ZFR: variants seen among roughly 807,000 people sequenced by gnomAD.
ZFR encodes the protein zinc finger RNA binding protein.
In ZFR, 19 loss-of-function variants were observed where a neutral mutation model predicts 130.7. The ratio of observed to expected loss-of-function variants is 0.15; its 90% CI spans 0.10 to 0.21. The LOEUF (loss-of-function observed/expected upper bound fraction) is 0.21, where lower values mean the gene tolerates loss of function less well. ZFR is among the 10% of genes least tolerant of loss of function. The probability of loss-of-function intolerance (pLI) is 1.00; values close to 1 mark genes in which losing one functional copy is unlikely to be tolerated. For missense variants in ZFR, 872 were observed against 1,321.5 expected (o/e 0.66, Z 5.27); for synonymous variants, 466 against 456.9 (o/e 1.02, Z -0.25).
chr5:32,356,076 A>T, intron 19 of ZFR, 137 bp from the exon 20 acceptor site: 1 of 601,754 alleles, frequency 1.7e-6, no homozygotes, highest in Non-Finnish European at 2.6e-6. Context: ...TACTTTCACA[A>T]CTGAAATAAT....
At chr5:32,377,052 A>T (rs1752830782) in intron 17 of ZFR, among the ~76,000 whole-genome samples, 1 of 149,650 alleles carries the variant, frequency 6.7e-6, no homozygotes, top group Non-Finnish European at 1.5e-5. Flanking sequence ...AGCTACTCGG[A>T]GGCTGAGGAA....
At chr5:32,381,576 G>GTAC in intron 15 of ZFR, among the ~76,000 whole-genome samples, 1 of 152,228 alleles carries the variant, frequency 6.6e-6, no homozygotes, top group African/African-American at 2.4e-5. Flanking sequence ...TATCTTAAGA[G>GTAC]TACTAGCTGC....
chr5:32,407,669 T>G (rs926622294), intron 5 of ZFR, among the ~76,000 whole-genome samples: 6 of 152,060 alleles, frequency 3.9e-5, no homozygotes, highest in Non-Finnish European at 8.8e-5. Flanking sequence ...ATAGAACAAC[T>G]GTTAAAGATT....
chr5:32,420,159 C>A (rs1753919113), intron 2 of ZFR, 56 bp from the exon 3 acceptor site: 2 of 1,369,650 alleles, frequency 1.5e-6, no homozygotes, highest in Non-Finnish European at 1.9e-6. Context: ...CAGGAGTTAA[C>A]CAACTTCAAT....
chr5:32,398,045 TG>T (rs1320700292), intron 9 of ZFR, among the ~76,000 whole-genome samples: 1 of 150,718 alleles, frequency 6.6e-6, no homozygotes, highest in Admixed American at 6.6e-5. Flanking sequence ...TTAGTAGAGA[TG>T]GGGGTTTCAC....
At chr5:32,366,160 G>T (rs1752542099) in intron 17 of ZFR, among the ~76,000 whole-genome samples, 1 of 152,136 alleles carries the variant, frequency 6.6e-6, no homozygotes, top group South Asian at 2.1e-4. Context: ...GAAAGAATGT[G>T]AGAATAATCC....
At chr5:32,387,003 T>A (rs1753058859) in intron 14 of ZFR, among the ~76,000 whole-genome samples, 1 of 152,146 alleles carries the variant, frequency 6.6e-6, no homozygotes, top group South Asian at 2.1e-4. Flanking sequence ...AATAAAATAC[T>A]CTATTAGTTT....
chr5:32,382,546 A>T (rs1752955855), intron 15 of ZFR, among the ~76,000 whole-genome samples: 1 of 146,966 alleles, frequency 6.8e-6, no homozygotes, highest in Non-Finnish European at 1.5e-5. Flanking sequence ...TTTTGCACAT[A>T]AGCATTCATA....
At chr5:32,414,758 A>C (rs114948179) in intron 5 of ZFR, among the ~76,000 whole-genome samples, 104 of 152,292 alleles carry the variant, frequency 6.8e-4, no homozygotes, top group Non-Finnish European at 6.8e-4. Context: ...CCCCAAGAAC[A>C]TATTATATTC....
At chr5:32,375,314 A>G (rs1198415707) in intron 17 of ZFR, among the ~76,000 whole-genome samples, 5 of 152,252 alleles carry the variant, frequency 3.3e-5, no homozygotes, top group African/African-American at 1.2e-4. Context: ...TGACAAGTAA[A>G]TATCTCAAAT....
At chr5:32,422,171 A>C (rs1753972274) in intron 2 of ZFR, among the ~76,000 whole-genome samples, 1 of 151,996 alleles carries the variant, frequency 6.6e-6, no homozygotes, top group South Asian at 2.1e-4. Flanking sequence ...TGGGAATAGG[A>C]TGGGAATGTT....
chr5:32,422,425 T>A (rs991396905), intron 2 of ZFR, among the ~76,000 whole-genome samples: 2 of 152,136 alleles, frequency 1.3e-5, no homozygotes, highest in Admixed American at 6.5e-5. Flanking sequence ...TATTTACACA[T>A]CCCTGGCATT....
intron 2 of ZFR, among the ~76,000 whole-genome samples, chr5:32,434,570 T>C (rs1210062941): frequency 6.6e-6 from 1 of 152,260 alleles, no homozygotes; most frequent in African/African-American, 2.4e-5. Context: ...GTTATTTCAC[T>C]ACTGTACCAC....
chr5:32,428,975 CTTTTTTTTTTTTTTTTTTT>C (rs576959110), intron 2 of ZFR, among the ~76,000 whole-genome samples: 1 of 91,206 alleles, frequency 1.1e-5, no homozygotes, highest in Admixed American at 1.2e-4. Context: ...CTTCTTACAT[CTTTTTTTTTTTTTTTTTTT>C]TTTTTTTTTG....
At chr5:32,402,397 T>C (rs1168458937) in intron 8 of ZFR, among the ~76,000 whole-genome samples, 1 of 152,126 alleles carries the variant, frequency 6.6e-6, no homozygotes, top group Admixed American at 6.5e-5. Flanking sequence ...TGGTGACTAC[T>C]GAAAGCAGCT....
At chr5:32,391,783 G>C (rs1470742850) in intron 11 of ZFR, among the ~76,000 whole-genome samples, 1 of 151,618 alleles carries the variant, frequency 6.6e-6, no homozygotes, top group African/African-American at 2.4e-5. Context: ...CCTTAAATTG[G>C]CAGAGTCCCA....
intron 2 of ZFR, among the ~76,000 whole-genome samples, chr5:32,433,880 AGACCAACCTGG>A (rs1462539854): frequency 2.0e-5 from 3 of 152,292 alleles, no homozygotes; most frequent in Non-Finnish European, 4.4e-5. Context: ...CAGGAGCTTG[AGACCAACCTGG>A]GCAACATGGC....
intron 10 of ZFR, among the ~76,000 whole-genome samples, chr5:32,396,879 G>T (rs928753760): frequency 6.6e-6 from 1 of 152,150 alleles, no homozygotes; most frequent in African/African-American, 2.4e-5. Context: ...ATTTTGGTGG[G>T]AATTCTACCA....
chr5:32,377,282 G>A (rs376801431), intron 17 of ZFR, among the ~76,000 whole-genome samples: 15 of 150,756 alleles, frequency 9.9e-5, no homozygotes, highest in African/African-American at 3.7e-4. Flanking sequence ...TGCCAGGCTG[G>A]AGTGCAGTGG....
Sources: allele counts gnomAD v4.1 joint callset (sites outside exome capture counted in the v4.1 genomes callset), GRCh38; gene constraint gnomAD v4.1.1; transcripts MANE v1.5; gene names NCBI Gene and HGNC (gene_info 2026-07-23, HGNC 2026-07-21).